ADAM23: variants seen among roughly 807,000 people sequenced by gnomAD.
The protein encoded by ADAM23 is ADAM metallopeptidase domain 23.
In ADAM23, 33 loss-of-function variants were observed where a neutral mutation model predicts 120.1. The ratio of observed to expected loss-of-function variants is 0.27; its 90% CI spans 0.21 to 0.37. The LOEUF is 0.37. ADAM23 is among the 10% of genes least tolerant of loss of function. ADAM23 has a pLI of 1.00. For missense variants in ADAM23, 862 were observed against 1,058.2 expected, an observed-to-expected ratio of 0.81 and a Z score of 2.57; for synonymous variants, 367 against 375.2, an observed-to-expected ratio of 0.98 and a Z score of 0.25.
chr2:206,575,561 T>C (rs913565561), intron 18 of ADAM23, among the ~76,000 whole-genome samples: 1 of 152,174 alleles, frequency 6.6e-6, no homozygotes, highest in Non-Finnish European at 1.5e-5. Flanking sequence ...TACCTGTTGC[T>C]AGGCATTGTG....
chr2:206,587,230 A>G, intron 18 of ADAM23, 95 bp from the exon 19 acceptor site: 1 of 818,882 alleles, frequency 1.2e-6, no homozygotes, highest in South Asian at 2.0e-5. Flanking sequence ...GTTTCTAGTT[A>G]TATATATCCA....
chr2:206,502,133 C>T (rs116638170), intron 3 of ADAM23, among the ~76,000 whole-genome samples: 14 of 152,170 alleles, frequency 9.2e-5, no homozygotes, highest in African/African-American at 3.4e-4. Context: ...CATCAGTATG[C>T]AATACCACAA....
chr2:206,461,439 A>G (rs1006093754), intron 2 of ADAM23, among the ~76,000 whole-genome samples: 1 of 152,162 alleles, frequency 6.6e-6, no homozygotes, highest in Non-Finnish European at 1.5e-5. Context: ...CTATGAGTAG[A>G]ATAATTGACT....
chr2:206,464,243 A>G (rs1336823739), intron 2 of ADAM23, among the ~76,000 whole-genome samples: 2 of 151,968 alleles, frequency 1.3e-5, no homozygotes, highest in Non-Finnish European at 1.5e-5. Flanking sequence ...TTTTGTTTCA[A>G]GGGCCTTGGT....
At chr2:206,466,979 G>A (rs1465610097) in intron 2 of ADAM23, among the ~76,000 whole-genome samples, 1 of 149,904 alleles carries the variant, frequency 6.7e-6, no homozygotes, top group East Asian at 2.0e-4. Context: ...TAAACAACCA[G>A]CTCTCATGAG....
rs113831047 is a variant in ADAM23, at chr2:206,525,882, G to A, written c.510-5003G>A. On this transcript the variant is annotated intron_variant, in intron 3 of 25. Coordinates refer to ENST00000264377, the MANE Select transcript of ADAM23 (RefSeq NM_003812.4). The stretch of plus-strand genomic sequence containing the variant: ...TGAGATTATAGGCATGAGCCACCGC[G>A]TCTGGCTGGTTCTTTGTTTAAAGTA... Among the ~76,000 whole-genome samples the A allele has an allele frequency of 3.5e-3, 527 of 152,154 alleles. 6 individuals are homozygous for A. The highest frequency in any genetic ancestry group is 0.011 in the African/African-American group (458 of 41,504).
chr2:206,449,299 G>C (rs1695144048), intron 2 of ADAM23, among the ~76,000 whole-genome samples: 1 of 152,176 alleles, frequency 6.6e-6, no homozygotes, highest in East Asian at 1.9e-4. Flanking sequence ...AAATGGAATT[G>C]TATGATTACT....
chr2:206,472,055 A>G (rs1454476877), intron 2 of ADAM23, among the ~76,000 whole-genome samples: 1 of 152,222 alleles, frequency 6.6e-6, no homozygotes, highest in Non-Finnish European at 1.5e-5. Flanking sequence ...AAGACGTTTC[A>G]TATACATGTC....
At chr2:206,464,037 G>A (rs1352041880) in intron 2 of ADAM23, among the ~76,000 whole-genome samples, 1 of 152,148 alleles carries the variant, frequency 6.6e-6, no homozygotes, top group Non-Finnish European at 1.5e-5. Flanking sequence ...GTAGATAGTT[G>A]CAATATTTCT....
chr2:206,580,925 T>C (rs1393212703), intron 18 of ADAM23, among the ~76,000 whole-genome samples: 1 of 152,200 alleles, frequency 6.6e-6, no homozygotes. Flanking sequence ...TATCTAATTC[T>C]TCCTGATTTA....
chr2:206,514,324 C>G (rs1389490404), intron 3 of ADAM23, among the ~76,000 whole-genome samples: 2 of 152,074 alleles, frequency 1.3e-5, no homozygotes, highest in Non-Finnish European at 2.9e-5. Flanking sequence ...TAAACATTTA[C>G]AGGAGTTTGG....
intron 13 of ADAM23, among the ~76,000 whole-genome samples, chr2:206,563,740 T>C (rs1010093205): frequency 6.6e-6 from 1 of 150,944 alleles, no homozygotes; most frequent in African/African-American, 2.4e-5. Context: ...TTTTTTTTTT[T>C]TTTTTTTGAG....
intron 15 of ADAM23, among the ~76,000 whole-genome samples, chr2:206,567,994 G>GC (rs1255897438): frequency 6.6e-6 from 1 of 152,102 alleles, no homozygotes; most frequent in African/African-American, 2.4e-5. Flanking sequence ...TGGGGAAACC[G>GC]CCCCCATGAT....
In ADAM23 at chr2:206,479,459, G is replaced by A. The variant is rs1158380441; in HGVS notation, c.433-1773G>A. Among the ~76,000 whole-genome samples the A allele has an allele frequency of 2.0e-5, 3 of 152,002 alleles. 1 individual carries two copies. In the South Asian group the frequency reaches 6.2e-4, roughly 32 times the overall value. On this transcript the variant is annotated intron_variant, in intron 2 of 25. Coordinates refer to ENST00000264377, the MANE Select transcript of ADAM23 (RefSeq NM_003812.4). ...ATTCTTAAGAGAAACTATACTTAAG[G>A]ATTTATCTTATTCTTAGGAAGTAAA... is the stretch of plus-strand genomic sequence containing the variant.
In ADAM23 at chr2:206,577,767, G is replaced by A. The variant is rs538738930; in HGVS notation, c.1737+4572G>A. Among the ~76,000 whole-genome samples, 3 of 151,150 alleles carry A rather than the reference G, an allele frequency of 2.0e-5. No homozygotes were observed. The East Asian group carries it at 5.9e-4, about 30-fold the overall frequency. ...TAGCAGCATGATTTATAGTCCTTTG[G>A]GTATATACCCAGTAATGGGATGGCT... On this transcript the variant is annotated intron_variant, in intron 18 of 25. Transcript: ENST00000264377.
At chr2:206,479,672 T>TTCTC (rs377258635) in intron 2 of ADAM23, among the ~76,000 whole-genome samples, 1 of 150,826 alleles carries the variant, frequency 6.6e-6, no homozygotes, top group East Asian at 1.9e-4. Flanking sequence ...TGACAGAAGT[T>TTCTC]TCTCTCTCTC....
chr2:206,604,713 A>G (rs2105860376), intron 24 of ADAM23, among the ~76,000 whole-genome samples: 1 of 152,324 alleles, frequency 6.6e-6, no homozygotes, highest in East Asian at 1.9e-4. Flanking sequence ...CTGGGAAAAT[A>G]TTTAGCTAAA....
Position 206,570,661 on chromosome 2 carries a change from A to G in ADAM23, c.1495-79A>G, listed in dbSNP as rs1697977239. 9.1e-6 allele frequency: 10 copies of G among 1,094,772 alleles called. No individual in the cohort carries two copies. In the South Asian group the frequency reaches 1.2e-4, roughly 13 times the overall value. 67.8% of individuals were successfully genotyped at this position (1,094,772 alleles called of 1,614,324 possible). On this transcript the variant is annotated intron_variant, in intron 15 of 25. Transcript: ENST00000264377. Reference sequence around the variant, plus strand: ...TCACATGATAGCTGATTATACGGCCATTGTATGTGGCCCAGTTGATGTGCT... The same window carrying G: ...TCACATGATAGCTGATTATACGGCCGTTGTATGTGGCCCAGTTGATGTGCT...
intron 25 of ADAM23, among the ~76,000 whole-genome samples, chr2:206,614,418 G>A (rs372920827): frequency 4.7e-5 from 2 of 42,752 alleles, no homozygotes; most frequent in African/African-American, 2.1e-4. Flanking sequence ...GTAATCCCAG[G>A]CTGAGGTGGA....
Sources: allele counts gnomAD v4.1 joint callset (sites outside exome capture counted in the v4.1 genomes callset), GRCh38; gene constraint gnomAD v4.1.1; transcripts MANE v1.5; gene names NCBI Gene and HGNC (gene_info 2026-07-23, HGNC 2026-07-21).